DTWD2: variants seen among roughly 807,000 people sequenced by gnomAD.
DTWD2 encodes tRNA-uridine aminocarboxypropyltransferase 2.
Under a neutral mutation model 31.8 loss-of-function variants are expected in DTWD2, and 39 were observed. That is an observed-to-expected ratio of 1.22 (90% CI 0.95 to 1.60). The LOEUF is 1.60. Among genes scored for constraint, DTWD2 ranks in the 40% most tolerant of loss-of-function variants. The pLI is 0.00. For synonymous variants in DTWD2, 180 were observed against 142.8 expected (o/e 1.26, Z -1.86); for missense variants, 515 against 381.5 (o/e 1.35, Z -2.92).
chr5:118,930,230 T>C (rs999572020), intron 3 of DTWD2, among the ~76,000 whole-genome samples: 11 of 152,302 alleles, frequency 7.2e-5, no homozygotes, highest in Non-Finnish European at 1.2e-4. Flanking sequence ...AGTTCCGTTA[T>C]AGAGTTAGTT....
Position 118,988,421 on chromosome 5 carries a change from G to C in DTWD2, c.91C>G (p.Arg31Gly). 1.2e-6 allele frequency: 2 copies of C among 1,605,984 alleles called. No homozygotes were observed. Among genetic ancestry groups the C allele is most frequent in the East Asian group, 2.3e-5 (1 of 44,300 alleles). The change falls in exon 1 of 6, where the codon CGG becomes GGG. Residue 31 changes from arginine to glycine, a missense_variant. Physicochemically the swap from Arg to Gly is moderately radical, Grantham distance 125. Coordinates refer to ENST00000510708, the MANE Select transcript of DTWD2 (RefSeq NM_173666.4). ...GCCGGCACTGCGCCGCCCTCCCGCCGCTCCTTGTCGTTCGGCGTCTGAGAG... is the reference window on the plus strand; with the variant it reads ...GCCGGCACTGCGCCGCCCTCCCGCCCCTCCTTGTCGTTCGGCGTCTGAGAG... ...SSSQTPNDKE[R>G]REGGAVPAAA...
At chr5:118,948,369 T>C (rs543810389) in intron 1 of DTWD2, among the ~76,000 whole-genome samples, 4 of 151,408 alleles carry the variant, frequency 2.6e-5, no homozygotes, top group South Asian at 4.2e-4. Context: ...TAGTCCCAGC[T>C]ACTTGGGAGG....
At chr5:118,884,443 T>G (rs894522022) in intron 4 of DTWD2, among the ~76,000 whole-genome samples, 2 of 152,224 alleles carry the variant, frequency 1.3e-5, no homozygotes, top group African/African-American at 4.8e-5. Flanking sequence ...CCATGTCACA[T>G]AAATTTGCTG....
Position 118,837,870 on chromosome 5 carries a change from GATTA to G in DTWD2, c.*3043_*3046del, listed in dbSNP as rs1751607868. 1 of 152,168 alleles carries G rather than the reference GATTA, an allele frequency of 6.6e-6. No homozygotes were observed. Among genetic ancestry groups the G allele is most frequent in the Non-Finnish European group, 1.5e-5 (1 of 68,050 alleles). 9.4% of individuals were successfully genotyped at this position (152,168 alleles called of 1,614,324 possible). On this transcript the variant is annotated 3_prime_UTR_variant, in exon 6 of 6. Transcript: ENST00000510708. ...GGAGTTTGATGCTGCAGTAAGCTAT[GATTA>G]CACCACTGCACTCCAAACTGGGTGA...
At position 118,836,558 on chromosome 5, in the gene DTWD2, T is replaced by C. The variant is rs1168414567; in HGVS notation, c.*4359A>G. ...GGCTCAAGTGAATAATTCTTAAAAA[T>C]TGAAAAACAATTACTTATTTCTCTA... On this transcript the variant is annotated 3_prime_UTR_variant, in exon 6 of 6. Transcript: ENST00000510708. 6.6e-6 allele frequency among the ~76,000 whole-genome samples: 1 copy of C among 152,188 alleles called. No individual in the cohort carries two copies. The highest frequency in any genetic ancestry group is 1.5e-5 in the Non-Finnish European group (1 of 68,030).
chr5:118,902,104 C>T (rs1753223447), intron 4 of DTWD2, among the ~76,000 whole-genome samples: 1 of 152,126 alleles, frequency 6.6e-6, no homozygotes. Flanking sequence ...TATATCAACA[C>T]ATATCACTAT....
intron 1 of DTWD2, among the ~76,000 whole-genome samples, chr5:118,967,005 G>A (rs1444357696): frequency 1.4e-5 from 2 of 145,792 alleles, no homozygotes; most frequent in African/African-American, 5.1e-5. Flanking sequence ...CACTCCAGCA[G>A]AGCAACAGAG....
At chr5:118,861,496 C>A (rs1460902408) in intron 4 of DTWD2, among the ~76,000 whole-genome samples, 1 of 152,162 alleles carries the variant, frequency 6.6e-6, no homozygotes, top group Non-Finnish European at 1.5e-5. Context: ...CCTTCTACTG[C>A]AATAGCTGCC....
At chr5:118,934,856 C>A (rs145108030) in intron 3 of DTWD2, among the ~76,000 whole-genome samples, 4 of 152,230 alleles carry the variant, frequency 2.6e-5, no homozygotes, top group African/African-American at 9.6e-5. Context: ...GACTTTAAGA[C>A]AAAGAGTATT....
chr5:118,965,189 A>T (rs1322446156), intron 1 of DTWD2, among the ~76,000 whole-genome samples: 1 of 148,634 alleles, frequency 6.7e-6, no homozygotes, highest in Non-Finnish European at 1.5e-5. Context: ...AGAAGTGAGG[A>T]GCCCCTCCGC....
intron 4 of DTWD2, among the ~76,000 whole-genome samples, chr5:118,902,715 A>G (rs1206987722): frequency 1.3e-5 from 2 of 152,220 alleles, no homozygotes; most frequent in Middle Eastern, 3.4e-3. Flanking sequence ...CATATTATTT[A>G]CAGTGTTCTT....
chr5:118,953,536 T>C (rs2149589834), intron 1 of DTWD2, among the ~76,000 whole-genome samples: 1 of 152,310 alleles, frequency 6.6e-6, no homozygotes. Flanking sequence ...GTGATTTAAA[T>C]GACAACTGAC....
intron 4 of DTWD2, among the ~76,000 whole-genome samples, chr5:118,915,181 C>T (rs1004281707): frequency 1.3e-5 from 2 of 152,024 alleles, no homozygotes; most frequent in Admixed American, 6.6e-5. Context: ...AGGGCTACTG[C>T]ACTCCACCTG....
At chr5:118,881,346 T>A (rs1413413561) in intron 4 of DTWD2, among the ~76,000 whole-genome samples, 6 of 152,168 alleles carry the variant, frequency 3.9e-5, no homozygotes, top group Admixed American at 3.9e-4. Context: ...TCATTGCTAA[T>A]TTCAAAAAAA....
At chr5:118,903,203 C>T (rs1425513195) in intron 4 of DTWD2, among the ~76,000 whole-genome samples, 1 of 148,796 alleles carries the variant, frequency 6.7e-6, no homozygotes, top group Non-Finnish European at 1.5e-5. Flanking sequence ...ATATTGCCTA[C>T]AAGGTTTCTC....
intron 1 of DTWD2, among the ~76,000 whole-genome samples, chr5:118,965,820 G>A (rs910182735): frequency 6.6e-6 from 1 of 152,118 alleles, no homozygotes; most frequent in Non-Finnish European, 1.5e-5. Context: ...AGGGTCCTCT[G>A]CCTAGGAAAA....
chr5:118,885,541 G>A (rs970306621), intron 4 of DTWD2, among the ~76,000 whole-genome samples: 12 of 151,366 alleles, frequency 7.9e-5, no homozygotes, highest in African/African-American at 1.7e-4. Flanking sequence ...CGAGGTGGGC[G>A]GATCACCTGA....
chr5:118,921,521 T>TAA (rs533019780), intron 4 of DTWD2, among the ~76,000 whole-genome samples: 2,750 of 131,292 alleles, frequency 0.021, 44 homozygotes, highest in Non-Finnish European at 0.028. Context: ...CCCCATCTCT[T>TAA]AAAAAAAAAA....
rs1247239303 is a variant in DTWD2 at position 118,839,297 on chromosome 5, T to C, written c.*1620A>G. ...ACATTATTATATGCTGTTTCTTTTC[T>C]AGTACACCAAATAATCATTTGATAT... On this transcript the variant is annotated 3_prime_UTR_variant, in exon 6 of 6. Transcript: ENST00000510708. 1 of 152,192 alleles carries C rather than the reference T, an allele frequency of 6.6e-6. No individual in the cohort carries two copies. The highest frequency in any genetic ancestry group is 1.5e-5 in the Non-Finnish European group (1 of 68,038). 9.4% of individuals were successfully genotyped at this position (152,192 alleles called of 1,614,324 possible).
Sources: gnomAD v4.1 joint callset for allele counts (sites outside exome capture counted in the v4.1 genomes callset) on GRCh38, gnomAD v4.1.1 for gene constraint, MANE v1.5 for transcripts, NCBI Gene and HGNC (gene_info 2026-07-23, HGNC 2026-07-21) for gene names.